Variants in TET1 observed in about 807,000 individuals in gnomAD.
TET1 encodes the protein tet methylcytosine dioxygenase 1, also known as methylcytosine dioxygenase TET1.
A neutral mutation model predicts 148.7 loss-of-function variants in TET1; 13 were observed. The observed-to-expected ratio is 0.09, with a 90% CI of 0.06 to 0.14. The LOEUF (loss-of-function observed/expected upper bound fraction) is 0.14, where lower values mean the gene tolerates loss of function less well. Among genes scored for constraint, TET1 ranks in the 10% least tolerant of loss-of-function variants. The pLI is 1.00. For synonymous variants in TET1, 907 were observed against 937.2 expected (o/e 0.97, Z 0.59); for missense variants, 2,182 against 2,553.8 (o/e 0.85, Z 3.14).
chr10:68,638,926 A>G (rs1284220728), intron 3 of TET1, among the ~76,000 whole-genome samples: 3 of 152,170 alleles, frequency 2.0e-5, no homozygotes, highest in African/African-American at 7.2e-5. Flanking sequence ...ATCTGGAAAA[A>G]TGAGAAAATG....
At chr10:68,624,715 T>TC (rs2054448707) in intron 3 of TET1, among the ~76,000 whole-genome samples, 1 of 144,840 alleles carries the variant, frequency 6.9e-6, no homozygotes. Context: ...TTTTCCTTCC[T>TC]TCTTTCTTTC....
At chr10:68,611,920 A>G (rs1201820381) in intron 3 of TET1, among the ~76,000 whole-genome samples, 12 of 150,192 alleles carry the variant, frequency 8.0e-5, no homozygotes, top group African/African-American at 2.9e-4. Flanking sequence ...GAAGAAAGGA[A>G]GGGAGGGAGG....
intron 6 of TET1, among the ~76,000 whole-genome samples, chr10:68,664,726 A>G (rs1019350148): frequency 1.5e-5 from 2 of 129,404 alleles, no homozygotes; most frequent in African/African-American, 6.0e-5. Context: ...TCATGATGAT[A>G]GCCTTGAACT....
At chr10:68,648,365 A>G (rs2054882505) in intron 4 of TET1, among the ~76,000 whole-genome samples, 1 of 152,196 alleles carries the variant, frequency 6.6e-6, no homozygotes, top group Non-Finnish European at 1.5e-5. Context: ...AAACCTGTTG[A>G]CTCTAATATA....
chr10:68,580,292 A>G (rs1485010047), intron 2 of TET1, among the ~76,000 whole-genome samples: 1 of 144,632 alleles, frequency 6.9e-6, no homozygotes, highest in African/African-American at 2.5e-5. Context: ...AGTATGAACC[A>G]ATGCATTTTT....
At chr10:68,647,532 A>C (rs1316846088) in intron 4 of TET1, among the ~76,000 whole-genome samples, 1 of 152,066 alleles carries the variant, frequency 6.6e-6, no homozygotes, top group Non-Finnish European at 1.5e-5. Flanking sequence ...TGAACCTGGG[A>C]GGTGGAGGTT....
Position 68,573,499 on chromosome 10 carries a change from G to A in TET1, c.1161G>A (p.Glu387=). The part of the protein sequence containing the change: ...ELPGADPVHG[E]ALGETPDLPE... The stretch of plus-strand genomic sequence containing the variant: ...CTGGTGCTGACCCAGTTCATGGTGA[G>A]GCCCTGGGTGAGACCCCAGATCTAC... Residue 387 remains glutamate, a synonymous_variant, in exon 2 of 12, where the codon GAG becomes GAA. Transcript: ENST00000373644. The A allele has an allele frequency of 6.2e-7, 1 of 1,614,088 alleles. No individual in the cohort carries two copies. Among genetic ancestry groups the A allele is most frequent in the Non-Finnish European group, 8.5e-7 (1 of 1,180,014 alleles).
At chr10:68,634,953 G>C (rs990655341) in intron 3 of TET1, among the ~76,000 whole-genome samples, 6 of 151,510 alleles carry the variant, frequency 4.0e-5, no homozygotes, top group Admixed American at 1.3e-4. Context: ...GTAGAGACTT[G>C]GTTGTATATT....
At chr10:68,637,008 T>TGTGTGTGTGA (rs1411844886) in intron 3 of TET1, among the ~76,000 whole-genome samples, 1 of 151,790 alleles carries the variant, frequency 6.6e-6, no homozygotes, top group African/African-American at 2.4e-5. Flanking sequence ...TGTGTGTGTG[T>TGTGTGTGTGA]GAGTGTGTGT....
intron 3 of TET1, among the ~76,000 whole-genome samples, chr10:68,606,135 G>A (rs2054120316): frequency 6.6e-6 from 1 of 151,542 alleles, no homozygotes; most frequent in Admixed American, 6.6e-5. Flanking sequence ...GAGAGGCCAG[G>A]ATGAGTGGAT....
At chr10:68,625,745 A>G (rs1399113231) in intron 3 of TET1, among the ~76,000 whole-genome samples, 1 of 152,146 alleles carries the variant, frequency 6.6e-6, no homozygotes, top group Non-Finnish European at 1.5e-5. Flanking sequence ...ATACTATTGA[A>G]GTAATGCAGT....
chr10:68,574,327 G>A, intron 2 of TET1, 75 bp downstream of exon 2: 1 of 1,104,894 alleles, frequency 9.1e-7, no homozygotes, highest in Non-Finnish European at 1.3e-6. Flanking sequence ...CACTTCTAGT[G>A]TCTCTAGTGT....
chr10:68,641,471 CATTTATTT>C (rs35059085), intron 3 of TET1, among the ~76,000 whole-genome samples: 13 of 148,234 alleles, frequency 8.8e-5, no homozygotes, highest in Non-Finnish European at 1.3e-4. Context: ...AGGAGGTTAC[CATTTATTT>C]ATTTATTTAT....
At chr10:68,635,897 G>A (rs1170312733) in intron 3 of TET1, among the ~76,000 whole-genome samples, 5 of 151,958 alleles carry the variant, frequency 3.3e-5, no homozygotes, top group Non-Finnish European at 7.4e-5. Flanking sequence ...GGGGCCAAGA[G>A]GTGTGAGAGT....
chr10:68,581,914 G>A (rs2053802845), intron 2 of TET1, among the ~76,000 whole-genome samples: 1 of 151,960 alleles, frequency 6.6e-6, no homozygotes, highest in Non-Finnish European at 1.5e-5. Flanking sequence ...CTCTAGCCAG[G>A]TGATTTTGGT....
At chr10:68,626,761 A>AGG (rs57691556) in intron 3 of TET1, among the ~76,000 whole-genome samples, 1,811 of 152,078 alleles carry the variant, frequency 0.012, 17 homozygotes, top group Middle Eastern at 0.051. Flanking sequence ...CATGTTAGTC[A>AGG]GGCTGGTCTC....
At chr10:68,581,875 A>G (rs898681444) in intron 2 of TET1, among the ~76,000 whole-genome samples, 3 of 151,868 alleles carry the variant, frequency 2.0e-5, no homozygotes, top group Admixed American at 6.6e-5. Context: ...GTCGTGGACT[A>G]TATCCCTGAA....
At chr10:68,639,787 A>G (rs1440544862) in intron 3 of TET1, among the ~76,000 whole-genome samples, 1 of 152,018 alleles carries the variant, frequency 6.6e-6, no homozygotes, top group Non-Finnish European at 1.5e-5. Flanking sequence ...TAAATCTTAG[A>G]AGGACCTCAA....
At chr10:68,606,600 C>CAAA (rs2054128101) in intron 3 of TET1, among the ~76,000 whole-genome samples, 1 of 138,890 alleles carries the variant, frequency 7.2e-6, no homozygotes, top group African/African-American at 2.8e-5. Context: ...AGGGGAAAAA[C>CAAA]AAAAACAAAA....
Sources: allele counts gnomAD v4.1 joint callset (sites outside exome capture counted in the v4.1 genomes callset), GRCh38; gene constraint gnomAD v4.1.1; transcripts MANE v1.5; gene names NCBI Gene and HGNC (gene_info 2026-07-23, HGNC 2026-07-21).